The following PRELID2 variants were observed in gnomAD, a reference collection of about 807,000 sequenced individuals.
PRELID2 encodes the protein PRELI domain containing 2, also known as PRELI domain-containing protein 2.
PRELID2 carries 25 observed loss-of-function variants against 28.4 expected under a neutral mutation model. The ratio of observed to expected loss-of-function variants is 0.88; its 90% CI spans 0.64 to 1.23. The LOEUF (loss-of-function observed/expected upper bound fraction) is 1.23, where lower values mean the gene tolerates loss of function less well. Ranked by LOEUF, PRELID2 falls within the 50% of genes most tolerant of loss-of-function variation. The probability of loss-of-function intolerance (pLI) is 0.00; values close to 1 mark genes in which losing one functional copy is unlikely to be tolerated. For synonymous variants in PRELID2, 76 were observed against 71.6 expected, an observed-to-expected ratio of 1.06 and a Z score of -0.31; for missense variants, 201 against 214.4, an observed-to-expected ratio of 0.94 and a Z score of 0.39.
At chr5:145,834,222 G>A (rs187219025) in intron 1 of PRELID2, among the ~76,000 whole-genome samples, 4 of 152,296 alleles carry the variant, frequency 2.6e-5, no homozygotes, top group Admixed American at 2.6e-4. Context: ...AGCAGATTGT[G>A]TGAGTTACAG....
At chr5:145,621,702 T>G (rs1753776413) in intron 1 of PRELID2, among the ~76,000 whole-genome samples, 1 of 152,078 alleles carries the variant, frequency 6.6e-6, no homozygotes, top group African/African-American at 2.4e-5. Flanking sequence ...GTAGGGGGAA[T>G]GGAGGATAAA....
intron 5 of PRELID2, among the ~76,000 whole-genome samples, chr5:145,785,483 G>A (rs1751935791): frequency 6.6e-6 from 1 of 152,170 alleles, no homozygotes. Flanking sequence ...GATAGTATGA[G>A]TGTTAGTTCA....
intron 1 of PRELID2, among the ~76,000 whole-genome samples, chr5:145,744,571 G>C (rs960571625): frequency 2.0e-4 from 31 of 152,024 alleles, no homozygotes; most frequent in African/African-American, 7.5e-4. Flanking sequence ...AGATGAATAG[G>C]GCCTGAAGTG....
chr5:145,559,017 G>T (rs1476604117), intron 1 of PRELID2, among the ~76,000 whole-genome samples: 1 of 152,196 alleles, frequency 6.6e-6, no homozygotes, highest in African/African-American at 2.4e-5. Flanking sequence ...CATTTTGGGA[G>T]GCTGAGACAG....
chr5:145,598,400 G>C (rs186834015), intron 1 of PRELID2, among the ~76,000 whole-genome samples: 121 of 152,252 alleles, frequency 7.9e-4, no homozygotes, highest in Non-Finnish European at 8.8e-4. Flanking sequence ...CGAAAAACCG[G>C]TCTAGCATCT....
At chr5:145,263,324 G>GA in the PRELID2 span, among the ~76,000 whole-genome samples, 82 of 152,028 alleles carry the variant, frequency 5.4e-4, no homozygotes, top group African/African-American at 1.8e-3. Context: ...CCATACCCTG[G>GA]AAAAAATGGA....
chr5:145,287,402 T>G, the PRELID2 span, among the ~76,000 whole-genome samples: 1 of 152,314 alleles, frequency 6.6e-6, no homozygotes, highest in Non-Finnish European at 1.5e-5. Flanking sequence ...TCTTGTGATC[T>G]GTTGATCTGA....
intron 1 of PRELID2, among the ~76,000 whole-genome samples, chr5:145,500,468 T>C (rs1752350237): frequency 6.6e-6 from 1 of 152,098 alleles, no homozygotes; most frequent in Non-Finnish European, 1.5e-5. Flanking sequence ...TATTTCTTTA[T>C]AGCAGTGTGA....
intron 1 of PRELID2, among the ~76,000 whole-genome samples, chr5:145,736,498 T>C (rs891294094): frequency 3.9e-5 from 6 of 152,220 alleles, no homozygotes; most frequent in Admixed American, 2.6e-4. Flanking sequence ...TTAGTCATAA[T>C]GAGTAGACTA....
At chr5:145,737,571 G>A (rs1756531861) in intron 1 of PRELID2, among the ~76,000 whole-genome samples, 1 of 152,142 alleles carries the variant, frequency 6.6e-6, no homozygotes, top group South Asian at 2.1e-4. Context: ...TAGAGAAGCT[G>A]GCAGCCTGAA....
intron 1 of PRELID2, among the ~76,000 whole-genome samples, chr5:145,479,326 C>A (rs1055265997): frequency 2.0e-5 from 3 of 152,118 alleles, no homozygotes; most frequent in Non-Finnish European, 4.4e-5. Flanking sequence ...AGGCAGCGAG[C>A]CCATTTGCTT....
intron 1 of PRELID2, among the ~76,000 whole-genome samples, chr5:145,591,344 C>T (rs1753224174): frequency 6.6e-6 from 1 of 151,270 alleles, no homozygotes; most frequent in Admixed American, 6.6e-5. Context: ...CATAACATCA[C>T]ATTGAGCACT....
At chr5:145,384,398 C>T in the PRELID2 span, among the ~76,000 whole-genome samples, 1 of 152,068 alleles carries the variant, frequency 6.6e-6, no homozygotes, top group Non-Finnish European at 1.5e-5. Flanking sequence ...CTAATATATT[C>T]ATACAATGGA....
chr5:145,764,807 T>A, intron 6 of PRELID2, 124 bp downstream of exon 6: 1 of 685,912 alleles, frequency 1.5e-6, no homozygotes, highest in Middle Eastern at 2.4e-4. Context: ...GAAATAGTAT[T>A]CTGTGCATAT....
chr5:145,621,031 A>G (rs1389461262), intron 1 of PRELID2, among the ~76,000 whole-genome samples: 1 of 152,204 alleles, frequency 6.6e-6, no homozygotes, highest in African/African-American at 2.4e-5. Flanking sequence ...AAATAAAAAT[A>G]ATATATTTGA....
intron 1 of PRELID2, among the ~76,000 whole-genome samples, chr5:145,699,100 C>T (rs1233354945): frequency 1.3e-5 from 2 of 152,110 alleles, no homozygotes; most frequent in African/African-American, 4.8e-5. Context: ...GAAACACAAA[C>T]ATTCGGTCCA....
At chr5:145,249,871 G>A in the PRELID2 span, among the ~76,000 whole-genome samples, 1 of 151,876 alleles carries the variant, frequency 6.6e-6, no homozygotes, top group South Asian at 2.1e-4. Flanking sequence ...GGGCAATAGG[G>A]GAGTGGGAGG....
the PRELID2 span, among the ~76,000 whole-genome samples, chr5:145,401,688 A>C: frequency 2.0e-5 from 3 of 152,196 alleles, no homozygotes; most frequent in Non-Finnish European, 4.4e-5. Flanking sequence ...CTTTGGTCAA[A>C]TGATTGCTCA....
At chr5:145,458,069 A>G in the PRELID2 span, among the ~76,000 whole-genome samples, 1 of 152,210 alleles carries the variant, frequency 6.6e-6, no homozygotes, top group South Asian at 2.1e-4. Flanking sequence ...TTTTGGGTGA[A>G]AGACATCTAT....
Sources: allele counts gnomAD v4.1 joint callset (sites outside exome capture counted in the v4.1 genomes callset), GRCh38; gene constraint gnomAD v4.1.1; transcripts MANE v1.5; gene names NCBI Gene and HGNC (gene_info 2026-07-23, HGNC 2026-07-21).